The following XRCC5 variants were observed in gnomAD, a reference collection of about 807,000 sequenced individuals.
XRCC5 encodes X-ray repair cross complementing 5, also known as DNA repair protein Ku80.
In XRCC5, 12 loss-of-function variants were observed where a neutral mutation model predicts 95.7. That is an observed-to-expected ratio of 0.13 (90% CI 0.08 to 0.20). The LOEUF is 0.20. Ranked by LOEUF, XRCC5 falls within the 10% of genes least tolerant of loss-of-function variation. XRCC5 has a pLI of 1.00. For synonymous variants in XRCC5, 281 were observed against 290.3 expected, an observed-to-expected ratio of 0.97 and a Z score of 0.33; for missense variants, 595 against 873.9, an observed-to-expected ratio of 0.68 and a Z score of 4.02.
chr2:216,151,244 T>C (rs920914841), intron 14 of XRCC5, among the ~76,000 whole-genome samples: 3 of 152,196 alleles, frequency 2.0e-5, no homozygotes, highest in Non-Finnish European at 4.4e-5. Flanking sequence ...TACTAAATAT[T>C]ACCCTCATCA....
In XRCC5 at chr2:216,148,026, A is replaced by T. The variant is rs1056925727; in HGVS notation, c.1477-57A>T. 4 of 1,541,048 alleles carry T rather than the reference A, an allele frequency of 2.6e-6. No homozygotes were observed. In the East Asian group the frequency reaches 9.2e-5, roughly 35 times the overall value. ...GATGGAGGATCCCTGATCAGAAAAT[A>T]TAAAGAAGCCATATATGTCTCCATC... On this transcript the variant is annotated intron_variant, in intron 13 of 20. Coordinates refer to ENST00000392132, the MANE Select transcript of XRCC5 (RefSeq NM_021141.4).
intron 19 of XRCC5, among the ~76,000 whole-genome samples, chr2:216,201,629 A>G (rs993241457): frequency 3.3e-5 from 5 of 152,242 alleles, no homozygotes; most frequent in East Asian, 1.9e-4. Context: ...ACTCACACAC[A>G]TGCCCTTTCT....
At position 216,192,627 on chromosome 2, in the gene XRCC5, T is replaced by C. The variant is rs1689636493; in HGVS notation, c.1945-12T>C. Reference sequence around the variant, plus strand: ...GACTTGCTGCCTCCTCTACCCCAACTTGCTACCACAGTTTTCAGAAGAGCA... The same window carrying C: ...GACTTGCTGCCTCCTCTACCCCAACCTGCTACCACAGTTTTCAGAAGAGCA... On this transcript the variant is annotated splice_polypyrimidine_tract_variant and intron_variant, in intron 17 of 20. Coordinates refer to ENST00000392132, the MANE Select transcript of XRCC5 (RefSeq NM_021141.4). 1 of 1,569,014 alleles carries C rather than the reference T, an allele frequency of 6.4e-7. No individual in the cohort carries two copies. Among genetic ancestry groups the C allele is most frequent in the East Asian group, 2.3e-5 (1 of 42,882 alleles).
At chr2:216,191,562 C>T (rs1369384186) in intron 17 of XRCC5, among the ~76,000 whole-genome samples, 1 of 152,000 alleles carries the variant, frequency 6.6e-6, no homozygotes, top group African/African-American at 2.4e-5. Flanking sequence ...AGGCGCATGC[C>T]ACCACGCCCA....
intron 5 of XRCC5, 116 bp from the exon 6 acceptor site, chr2:216,121,946 T>G: frequency 7.1e-5 from 66 of 928,974 alleles, no homozygotes; most frequent in Non-Finnish European, 4.9e-5. Flanking sequence ...TAAGAGTCGT[T>G]TGACAGATGA....
chr2:216,187,809 ACACACACACACACT>A (rs1574430006), intron 16 of XRCC5, among the ~76,000 whole-genome samples: 1 of 108,296 alleles, frequency 9.2e-6, no homozygotes, highest in Non-Finnish European at 1.8e-5. Context: ...ACACACACAC[ACACACACACACACT>A]CTCTCTCTCT....
intron 16 of XRCC5, among the ~76,000 whole-genome samples, chr2:216,169,860 A>C (rs1245225497): frequency 2.2e-5 from 3 of 137,076 alleles, no homozygotes; most frequent in South Asian, 2.5e-4. Context: ...CCTGGGCAAC[A>C]TGGTGAAACT....
chr2:216,181,521 C>G (rs888580406), intron 16 of XRCC5, among the ~76,000 whole-genome samples: 3 of 152,146 alleles, frequency 2.0e-5, no homozygotes, highest in Non-Finnish European at 2.9e-5. Context: ...CTTTCTAAAG[C>G]TGATTAACTC....
At chr2:216,187,904 CT>C (rs997351625) in intron 16 of XRCC5, among the ~76,000 whole-genome samples, 3 of 142,724 alleles carry the variant, frequency 2.1e-5, no homozygotes, top group African/African-American at 7.8e-5. Flanking sequence ...CTGACTAATC[CT>C]TCTTAGCCTC....
chr2:216,151,049 C>T (rs1156313310), intron 14 of XRCC5, among the ~76,000 whole-genome samples: 1 of 151,966 alleles, frequency 6.6e-6, no homozygotes, highest in Non-Finnish European at 1.5e-5. Flanking sequence ...ATTCCGTGGC[C>T]CAGGAATGTA....
chr2:216,156,302 G>T, intron 14 of XRCC5: 2 of 594,152 alleles, frequency 3.4e-6, no homozygotes, highest in Non-Finnish European at 6.5e-6. Context: ...CCAAAGGCAG[G>T]AAGCAGAAGC....
At chr2:216,119,425 C>G (rs887475470) in intron 5 of XRCC5, among the ~76,000 whole-genome samples, 1 of 152,132 alleles carries the variant, frequency 6.6e-6, no homozygotes, top group Admixed American at 6.5e-5. Context: ...GTTTAGTGTT[C>G]TTAGACTCAA....
chr2:216,176,812 A>G (rs1347932015), intron 16 of XRCC5, among the ~76,000 whole-genome samples: 1 of 151,266 alleles, frequency 6.6e-6, no homozygotes, highest in Non-Finnish European at 1.5e-5. Flanking sequence ...TTGATTTGAA[A>G]CCTCTTTTCT....
At chr2:216,167,463 G>A (rs547388946) in intron 16 of XRCC5, among the ~76,000 whole-genome samples, 1 of 151,962 alleles carries the variant, frequency 6.6e-6, no homozygotes, top group Non-Finnish European at 1.5e-5. Context: ...TTGCATAGCT[G>A]TTTACTTACA....
intron 13 of XRCC5, among the ~76,000 whole-genome samples, chr2:216,145,977 A>G (rs1222747888): frequency 6.6e-6 from 1 of 152,190 alleles, no homozygotes; most frequent in Non-Finnish European, 1.5e-5. Context: ...ACCAAGGGAG[A>G]GCACTGTGAA....
chr2:216,171,172 A>G (rs1213434188), intron 16 of XRCC5, among the ~76,000 whole-genome samples: 1 of 152,236 alleles, frequency 6.6e-6, no homozygotes, highest in East Asian at 1.9e-4. Flanking sequence ...GAGCCAAGAA[A>G]CAGCTAGGAG....
At chr2:216,163,169 G>C (rs1022285804) in intron 16 of XRCC5, among the ~76,000 whole-genome samples, 2 of 151,196 alleles carry the variant, frequency 1.3e-5, no homozygotes, top group East Asian at 3.9e-4. Flanking sequence ...GGGTCTCGCT[G>C]TGTCACCCAG....
At position 216,126,040 on chromosome 2, in the gene XRCC5, C is replaced by T. The variant is rs1350480887; in HGVS notation, c.798+9C>T. ...TTGCAGCCTATAAATCGGTAAGTGG[C>T]AGGTACACATTTTTAACAGAAATGT... is the stretch of plus-strand genomic sequence containing the variant. On this transcript the variant is annotated intron_variant, in intron 7 of 20. Coordinates refer to ENST00000392132, the MANE Select transcript of XRCC5 (RefSeq NM_021141.4). 3 of 1,600,420 alleles carry T rather than the reference C, an allele frequency of 1.9e-6. No individual in the cohort carries two copies. The highest frequency in any genetic ancestry group is 3.3e-5 in the Admixed American group (2 of 59,816).
chr2:216,126,801 A>G (rs183720303), intron 7 of XRCC5, among the ~76,000 whole-genome samples: 1 of 152,274 alleles, frequency 6.6e-6, no homozygotes, highest in East Asian at 1.9e-4. Context: ...GCTTCCATCA[A>G]AGCCTAGAAT....
Sources: gnomAD v4.1 joint callset for allele counts (sites outside exome capture counted in the v4.1 genomes callset) on GRCh38, gnomAD v4.1.1 for gene constraint, MANE v1.5 for transcripts, NCBI Gene and HGNC (gene_info 2026-07-23, HGNC 2026-07-21) for gene names.